Variants in AOPEP observed in about 807,000 individuals in gnomAD.
AOPEP encodes the protein aminopeptidase O.
Under a neutral mutation model 98.1 loss-of-function variants are expected in AOPEP, and 77 were observed. That is an observed-to-expected ratio of 0.78 (90% confidence interval 0.65 to 0.95). The LOEUF (loss-of-function observed/expected upper bound fraction) is 0.95. AOPEP is among the 40% of genes least tolerant of loss of function. The pLI is 0.00. For missense variants in AOPEP, 1,024 were observed against 1,024.7 expected (o/e 1.00, Z 0.01); for synonymous variants, 346 against 365.3 (o/e 0.95, Z 0.60).
chr9:94,792,516 C>G (rs779564733), intron 3 of AOPEP, among the ~76,000 whole-genome samples: 2 of 152,118 alleles, frequency 1.3e-5, no homozygotes, highest in African/African-American at 2.4e-5. Context: ...CACTACCACC[C>G]TCACGTGAAG....
chr9:94,831,388 T>C (rs1451756767), intron 5 of AOPEP, among the ~76,000 whole-genome samples: 1 of 152,122 alleles, frequency 6.6e-6, no homozygotes, highest in Non-Finnish European at 1.5e-5. Flanking sequence ...ATTTCCGAGT[T>C]ATCTGTTCTG....
intron 7 of AOPEP, among the ~76,000 whole-genome samples, chr9:94,936,099 A>G (rs1490749033): frequency 6.6e-6 from 1 of 152,194 alleles, no homozygotes; most frequent in Non-Finnish European, 1.5e-5. Context: ...TGCTTGTAGC[A>G]GTCCAACAGC....
At chr9:95,082,765 C>T in intron 16 of AOPEP, 46 bp downstream of exon 16, 4 of 1,602,918 alleles carry the variant, frequency 2.5e-6, no homozygotes, top group Non-Finnish European at 8.5e-7. Flanking sequence ...TAACCAGATA[C>T]TCCTTTTAGG....
chr9:95,029,045 A>G (rs550366654), intron 13 of AOPEP, among the ~76,000 whole-genome samples: 1 of 152,352 alleles, frequency 6.6e-6, no homozygotes, highest in African/African-American at 2.4e-5. Flanking sequence ...CTGTGTGGGC[A>G]GGTGCTGTGT....
intron 7 of AOPEP, chr9:94,931,867 T>C: frequency 1.4e-6 from 2 of 1,383,326 alleles, no homozygotes; most frequent in Middle Eastern, 1.8e-4. Context: ...GAGTTCCCTC[T>C]GCCTCTGTGG....
chr9:95,087,272 CAGG>C (rs1453608454), downstream of AOPEP: 1 of 151,700 alleles, frequency 6.6e-6, no homozygotes, highest in East Asian at 1.9e-4. Context: ...ATCACGAGGT[CAGG>C]AGATCGAGAC....
chr9:94,832,568 A>G (rs1365491890), intron 5 of AOPEP, among the ~76,000 whole-genome samples: 1 of 152,238 alleles, frequency 6.6e-6, no homozygotes, highest in Non-Finnish European at 1.5e-5. Context: ...AAATATGCAC[A>G]TATACACACA....
intron 10 of AOPEP, among the ~76,000 whole-genome samples, chr9:94,970,226 G>T (rs958662341): frequency 9.9e-5 from 15 of 152,028 alleles, no homozygotes; most frequent in African/African-American, 3.6e-4. Context: ...TGGTATTTTG[G>T]TGCATGCATA....
intron 5 of AOPEP, among the ~76,000 whole-genome samples, chr9:94,801,569 G>T (rs1028004707): frequency 1.3e-5 from 2 of 152,210 alleles, no homozygotes; most frequent in African/African-American, 4.8e-5. Context: ...GTGGGGGTTG[G>T]AGGAGGAGTC....
intron 7 of AOPEP, chr9:94,935,016 C>G (rs1243866411): frequency 1.3e-5 from 2 of 152,236 alleles, no homozygotes; most frequent in African/African-American, 4.8e-5. Context: ...TGTCCCCGCC[C>G]AAATCTCATG....
intron 5 of AOPEP, among the ~76,000 whole-genome samples, chr9:94,837,343 C>T (rs1331300384): frequency 6.6e-6 from 1 of 152,138 alleles, no homozygotes; most frequent in Non-Finnish European, 1.5e-5. Flanking sequence ...AGAATTGGTA[C>T]CAATCCTAGT....
chr9:95,093,861 G>A, the AOPEP span, among the ~76,000 whole-genome samples: 8 of 152,186 alleles, frequency 5.3e-5, no homozygotes, highest in Non-Finnish European at 1.0e-4. Context: ...TCCCAGCCCT[G>A]CTAGATGGCC....
chr9:95,063,816 T>TTG (rs1432593188), intron 14 of AOPEP, among the ~76,000 whole-genome samples: 1 of 152,020 alleles, frequency 6.6e-6, no homozygotes, highest in Non-Finnish European at 1.5e-5. Context: ...ACTGGAGGTC[T>TTG]CCCTTCAGGG....
At chr9:94,946,908 A>C (rs1460921647) in intron 7 of AOPEP, among the ~76,000 whole-genome samples, 1 of 152,054 alleles carries the variant, frequency 6.6e-6, no homozygotes, top group Non-Finnish European at 1.5e-5. Flanking sequence ...TCATCCAGAA[A>C]GGAAGGACAA....
intron 13 of AOPEP, among the ~76,000 whole-genome samples, chr9:95,023,052 C>T (rs763355578): frequency 2.6e-5 from 4 of 152,112 alleles, no homozygotes; most frequent in Non-Finnish European, 4.4e-5. Flanking sequence ...CACGCTGGAC[C>T]GACTCGCTTC....
the AOPEP span, chr9:95,114,786 C>T: frequency 8.0e-7 from 1 of 1,250,334 alleles, no homozygotes; most frequent in Non-Finnish European, 1.2e-6. Flanking sequence ...GCAGGGATGA[C>T]CTGAAGAGTC....
At chr9:95,042,278 C>T (rs964111061) in intron 13 of AOPEP, among the ~76,000 whole-genome samples, 2 of 151,646 alleles carry the variant, frequency 1.3e-5, no homozygotes, top group Non-Finnish European at 2.9e-5. Flanking sequence ...CGCCACTGCA[C>T]TCCAGCCTGG....
intron 7 of AOPEP, chr9:94,933,664 C>T (rs550398023): frequency 3.2e-4 from 311 of 985,360 alleles, no homozygotes; most frequent in Non-Finnish European, 3.7e-4. Flanking sequence ...ATAAAGTCTG[C>T]ATGCCACAAG....
chr9:94,911,157 G>A (rs2051980271), intron 5 of AOPEP, among the ~76,000 whole-genome samples: 1 of 152,158 alleles, frequency 6.6e-6, no homozygotes, highest in Non-Finnish European at 1.5e-5. Context: ...GGAACTAGTG[G>A]TTTAAAATGA....
Sources: gnomAD v4.1 joint callset for allele counts (sites outside exome capture counted in the v4.1 genomes callset) on GRCh38, gnomAD v4.1.1 for gene constraint, MANE v1.5 for transcripts, NCBI Gene and HGNC (gene_info 2026-07-23, HGNC 2026-07-21) for gene names.